SUV39H2: variants seen among roughly 807,000 people sequenced by gnomAD.
SUV39H2 encodes the protein SUV39H2 histone lysine methyltransferase.
SUV39H2 carries 10 observed loss-of-function variants against 47.5 expected under a neutral mutation model. That is an observed-to-expected ratio of 0.21 (90% confidence interval 0.13 to 0.36). The LOEUF is 0.36. Ranked by LOEUF, SUV39H2 falls within the 10% of genes least tolerant of loss-of-function variation. The pLI, the probability that SUV39H2 is intolerant of heterozygous loss-of-function variation, is 1.00. For missense variants in SUV39H2, 266 were observed against 487.4 expected (o/e 0.55, Z 4.28); for synonymous variants, 159 against 166.8 (o/e 0.95, Z 0.36).
At chr10:14,888,131 G>A (rs563794815) in intron 2 of SUV39H2, among the ~76,000 whole-genome samples, 2 of 152,294 alleles carry the variant, frequency 1.3e-5, no homozygotes, top group South Asian at 4.1e-4. Flanking sequence ...AAGCAGGGGA[G>A]CAGCATGCTG....
intron 2 of SUV39H2, among the ~76,000 whole-genome samples, chr10:14,893,810 A>G (rs1320848719): frequency 2.0e-5 from 3 of 152,224 alleles, no homozygotes; most frequent in Non-Finnish European, 2.9e-5. Flanking sequence ...TTAAAATGCA[A>G]GTGATTCACT....
intron 2 of SUV39H2, among the ~76,000 whole-genome samples, chr10:14,883,704 CAAAAAAAAAAA>C (rs58522342): frequency 0.23 from 11,617 of 50,262 alleles, 1,137 homozygotes; most frequent in East Asian, 0.47. Flanking sequence ...GACTCAGTCT[CAAAAAAAAAAA>C]AAAAAAAAAA....
Position 14,896,767 on chromosome 10 carries a change from C to T in SUV39H2, c.178-79C>T, listed in dbSNP as rs1234007105. On this transcript the variant is annotated intron_variant, in intron 2 of 5. Coordinates refer to ENST00000354919, the MANE Select transcript of SUV39H2 (RefSeq NM_001193424.2). ...GAAAAATGGTATTGGATACCTTACT[C>T]TTTAAGATTTTTAATTATTTTTGGT... The T allele has an allele frequency of 1.0e-5, 13 of 1,290,568 alleles. No homozygotes were observed. In the East Asian group the frequency reaches 2.3e-4, roughly 23 times the overall value. The allele number at this position is 1,290,568 out of a possible 1,614,324, so 79.9% of individuals were successfully genotyped here. A position where few individuals can be genotyped will look rare whatever the true frequency, so the allele number is the denominator to read the frequency against.
chr10:14,880,638 T>C (rs548362868), intron 1 of SUV39H2, among the ~76,000 whole-genome samples: 1 of 152,346 alleles, frequency 6.6e-6, no homozygotes, highest in East Asian at 1.9e-4. Flanking sequence ...ACGTGTTAAT[T>C]TACACTTTAA....
chr10:14,881,699 G>T, intron 2 of SUV39H2, 54 bp downstream of exon 2: 5 of 1,301,136 alleles, frequency 3.8e-6, no homozygotes, highest in Non-Finnish European at 5.0e-6. Flanking sequence ...TCAGTATTTC[G>T]TATTTCTGTA....
intron 2 of SUV39H2, among the ~76,000 whole-genome samples, chr10:14,895,901 A>C (rs1024338840): frequency 1.3e-5 from 2 of 151,992 alleles, no homozygotes; most frequent in Non-Finnish European, 2.9e-5. Context: ...AAAGTCTTCA[A>C]AATTCAGTGT....
In SUV39H2 at chr10:14,903,464, C is replaced by T. The variant is rs1361359208; in HGVS notation, c.*952C>T. On this transcript the variant is annotated 3_prime_UTR_variant, in exon 6 of 6. Transcript: ENST00000354919. Reference sequence around the variant, plus strand: ...CAATTTCAGGCAGGTGTAACAGTTCCTTTCCACCAGATTTAATATTTTTAT... The same window carrying T: ...CAATTTCAGGCAGGTGTAACAGTTCTTTTCCACCAGATTTAATATTTTTAT... 6.6e-6 allele frequency: 1 copy of T among 152,176 alleles called. No homozygotes were observed. The highest frequency in any genetic ancestry group is 1.9e-4 in the East Asian group (1 of 5,198). 9.4% of individuals were successfully genotyped at this position (152,176 alleles called of 1,614,324 possible).
chr10:14,881,894 C>T (rs975561437), intron 2 of SUV39H2, among the ~76,000 whole-genome samples: 17 of 152,178 alleles, frequency 1.1e-4, no homozygotes, highest in African/African-American at 3.6e-4. Context: ...TGATTATCTC[C>T]GTGTGGGTTA....
chr10:14,882,578 A>G (rs1434823746), intron 2 of SUV39H2, among the ~76,000 whole-genome samples: 1 of 152,196 alleles, frequency 6.6e-6, no homozygotes, highest in Non-Finnish European at 1.5e-5. Flanking sequence ...TATCAGCCCC[A>G]TTATAACTTA....
intron 1 of SUV39H2, among the ~76,000 whole-genome samples, chr10:14,880,965 A>G (rs1285447185): frequency 5.3e-5 from 8 of 152,220 alleles, no homozygotes; most frequent in Non-Finnish European, 1.0e-4. Context: ...GAAAACTAAC[A>G]TATAATGAGT....
Position 14,897,009 on chromosome 10 carries a change from A to G in SUV39H2, c.341A>G (p.Asp114Gly), listed in dbSNP as rs1833647748. The G allele has an allele frequency of 1.9e-6, 3 of 1,614,152 alleles. No individual in the cohort carries two copies. The highest frequency in any genetic ancestry group is 1.1e-5 in the South Asian group (1 of 91,086). The change falls in exon 3 of 6, where the codon GAC becomes GGC. Residue 114 changes from aspartate (D) to glycine (G), a missense_variant. Asp to Gly is a moderately conservative substitution (Grantham distance 94, BLOSUM62 -1). This residue lies in a region of SUV39H2 where 91 missense variants were observed against 110.9 expected (regional missense o/e 0.82). Transcript: ENST00000354919. ...AAAGGCAAAGCAATAACTCCAAAAGACAATAACAAAACTTTGAAACCTGCC... is the reference window on the plus strand; with the variant it reads ...AAAGGCAAAGCAATAACTCCAAAAGGCAATAACAAAACTTTGAAACCTGCC... ...VKKGKAITPK[D>G]NNKTLKPAIA...
At chr10:14,880,516 C>A (rs999666419) in intron 1 of SUV39H2, among the ~76,000 whole-genome samples, 1 of 152,190 alleles carries the variant, frequency 6.6e-6, no homozygotes, top group Non-Finnish European at 1.5e-5. Flanking sequence ...TGAGACCTCA[C>A]TAAAGTCACA....
At chr10:14,894,355 GTTTTTTTT>G (rs35812740) in intron 2 of SUV39H2, among the ~76,000 whole-genome samples, 1 of 58,096 alleles carries the variant, frequency 1.7e-5, no homozygotes, top group Non-Finnish European at 3.1e-5. Flanking sequence ...AGAAAGCAAA[GTTTTTTTT>G]TTTTTTTTTT....
chr10:14,883,879 A>G (rs1274591290), intron 2 of SUV39H2, among the ~76,000 whole-genome samples: 2 of 152,158 alleles, frequency 1.3e-5, no homozygotes, highest in Non-Finnish European at 2.9e-5. Flanking sequence ...GGCAGCCACT[A>G]CATCTGTCTG....
chr10:14,886,033 T>G (rs1378994157), intron 2 of SUV39H2, among the ~76,000 whole-genome samples: 1 of 152,224 alleles, frequency 6.6e-6, no homozygotes, highest in African/African-American at 2.4e-5. Flanking sequence ...CAGCCTCATC[T>G]CTTGTCATAT....
chr10:14,891,952 AT>A (rs1446154864), intron 2 of SUV39H2, among the ~76,000 whole-genome samples: 1 of 152,210 alleles, frequency 6.6e-6, no homozygotes, highest in Non-Finnish European at 1.5e-5. Context: ...ATATCCTGAA[AT>A]TACCCAAAAC....
At chr10:14,885,331 C>T (rs1169700459) in intron 2 of SUV39H2, among the ~76,000 whole-genome samples, 1 of 152,198 alleles carries the variant, frequency 6.6e-6, no homozygotes, top group East Asian at 1.9e-4. Context: ...AAACATAATT[C>T]TCCCACTTAC....
At chr10:14,881,668 T>TG (rs969200100) in intron 2 of SUV39H2, 23 bp downstream of exon 2, 26 of 1,478,934 alleles carry the variant, frequency 1.8e-5, no homozygotes, top group Non-Finnish European at 2.2e-5. Context: ...TCTAGCCCCT[T>TG]ACAAGAGACC....
Position 14,903,481 on chromosome 10 carries a change from T to A in SUV39H2, c.*969T>A, listed in dbSNP as rs1834156923. Reference sequence around the variant, plus strand: ...AACAGTTCCTTTCCACCAGATTTAATATTTTTATACTTCCTGCAGGTTCTT... The same window carrying A: ...AACAGTTCCTTTCCACCAGATTTAAAATTTTTATACTTCCTGCAGGTTCTT... On this transcript the variant is annotated 3_prime_UTR_variant, in exon 6 of 6. Coordinates refer to ENST00000354919, the MANE Select transcript of SUV39H2 (RefSeq NM_001193424.2). The A allele has an allele frequency of 6.6e-6, 1 of 152,234 alleles. No individual in the cohort carries two copies. The highest frequency in any genetic ancestry group is 6.5e-5 in the Admixed American group (1 of 15,280). The allele number at this position is 152,234 out of a possible 1,614,324, so 9.4% of individuals were successfully genotyped here.
Sources: allele counts gnomAD v4.1 joint callset (sites outside exome capture counted in the v4.1 genomes callset), GRCh38; gene constraint gnomAD v4.1.1; regional missense constraint gnomAD v4.1.1; transcripts MANE v1.5; gene names NCBI Gene and HGNC (gene_info 2026-07-23, HGNC 2026-07-21).